The following GSN variants were observed in gnomAD, a reference collection of about 807,000 sequenced individuals.
The protein encoded by GSN is gelsolin.
In GSN, 56 loss-of-function variants were observed where a neutral mutation model predicts 85.7. The ratio of observed to expected loss-of-function variants is 0.65; its 90% CI spans 0.53 to 0.82. The LOEUF (loss-of-function observed/expected upper bound fraction) is 0.82. Ranked by LOEUF, GSN falls within the 40% of genes least tolerant of loss-of-function variation. The probability of loss-of-function intolerance (pLI) is 0.00; values close to 1 mark genes in which losing one functional copy is unlikely to be tolerated. For synonymous variants in GSN, 373 were observed against 399.1 expected, an observed-to-expected ratio of 0.93 and a Z score of 0.78; for missense variants, 857 against 979.8, an observed-to-expected ratio of 0.87 and a Z score of 1.67.
upstream of GSN, among the ~76,000 whole-genome samples, chr9:121,267,494 T>C (rs2055272121): frequency 6.6e-6 from 1 of 152,274 alleles, no homozygotes; most frequent in East Asian, 1.9e-4. Flanking sequence ...AGGATGCCCA[T>C]TTGACAAACG....
intron 4 of GSN, among the ~76,000 whole-genome samples, chr9:121,305,709 G>A (rs950624051): frequency 2.0e-5 from 3 of 152,184 alleles, no homozygotes; most frequent in African/African-American, 7.2e-5. Context: ...GCTCCAGCTG[G>A]GCCCAGATTT....
chr9:121,224,332 C>G (rs2054231498), intron 4 of GSN, among the ~76,000 whole-genome samples: 1 of 152,080 alleles, frequency 6.6e-6, no homozygotes, highest in Non-Finnish European at 1.5e-5. Context: ...ATCTCTTGAC[C>G]TTGTGATCTG....
rs147527479 is a variant in GSN, at chr9:121,329,026, G to T, written c.1887+11G>T. The T allele has an allele frequency of 6.6e-5, 106 of 1,613,290 alleles. No individual in the cohort carries two copies. In the African/African-American group the frequency reaches 1.2e-3, roughly 18 times the overall value. On this transcript the variant is annotated intron_variant, in intron 15 of 17. Transcript: ENST00000432226. The surrounding 1 kb of genome is among the most constrained non-coding windows in gnomAD (Gnocchi z 4.6). ...ATTGGACGTTTTGTGGTGAGCCCCT[G>T]CGGAGGTCACACCTCTGCTTTCCCC...
At chr9:121,249,745 T>C (rs1471127111) in intron 6 of GSN, among the ~76,000 whole-genome samples, 1 of 152,202 alleles carries the variant, frequency 6.6e-6, no homozygotes, top group Admixed American at 6.5e-5. Flanking sequence ...CCTGGGGACT[T>C]TCTGCCCTGG....
chr9:121,211,870 T>C (rs567870193), intron 4 of GSN, among the ~76,000 whole-genome samples: 1 of 152,294 alleles, frequency 6.6e-6, no homozygotes, highest in Non-Finnish European at 1.5e-5. Flanking sequence ...CTTTATGAAT[T>C]GGACTTCTGT....
chr9:121,277,296 G>T (rs2056800228), intron 1 of GSN, among the ~76,000 whole-genome samples: 1 of 152,166 alleles, frequency 6.6e-6, no homozygotes, highest in African/African-American at 2.4e-5. Context: ...GTTTCAGCTG[G>T]ACAAAAAAGA....
intron 4 of GSN, among the ~76,000 whole-genome samples, chr9:121,215,008 T>G (rs933440830): frequency 6.6e-6 from 1 of 152,176 alleles, no homozygotes; most frequent in Non-Finnish European, 1.5e-5. Flanking sequence ...AAAATCAAGG[T>G]GTCAGCACAG....
At position 121,318,303 on chromosome 9, in the gene GSN, A is replaced by G. The variant is rs2061957856; in HGVS notation, c.887-103A>G. ...TGGCTGTCCACAGTCTAAGAAGAGT[A>G]GGGAGGGAAGTTTGGCAGCTCCTTC... On this transcript the variant is annotated intron_variant, in intron 8 of 17. Coordinates refer to ENST00000432226, the MANE Select transcript of GSN (RefSeq NM_198252.3). This position sits in a 1 kb window ranked among gnomAD's most constrained non-coding sequence, Gnocchi z 4.3. 1.1e-6 allele frequency: 1 copy of G among 925,186 alleles called. No homozygotes were observed. Among genetic ancestry groups the G allele is most frequent in the Admixed American group, 1.7e-5 (1 of 58,776 alleles). 57.3% of individuals were successfully genotyped at this position (925,186 alleles called of 1,614,324 possible). A position where few individuals can be genotyped will look rare whatever the true frequency, so the allele number is the denominator to read the frequency against.
chr9:121,208,084 G>A (rs1384896192), intron 1 of GSN, among the ~76,000 whole-genome samples: 1 of 152,012 alleles, frequency 6.6e-6, no homozygotes, highest in Non-Finnish European at 1.5e-5. Context: ...ACTGTGCCTG[G>A]CCCAAATCAC....
chr9:121,319,232 G>A (rs182555495), intron 10 of GSN, among the ~76,000 whole-genome samples: 2 of 152,308 alleles, frequency 1.3e-5, no homozygotes, highest in East Asian at 3.9e-4. Context: ...GAACCTTTGG[G>A]TTGGGTCTCA....
Position 121,318,670 on chromosome 9 carries a change from G to A in GSN, c.981G>A (p.Ser327=), listed in dbSNP as rs145170518. 1.1e-5 allele frequency: 18 copies of A among 1,611,608 alleles called. No homozygotes were observed. The highest frequency in any genetic ancestry group is 1.6e-4 in the Middle Eastern group (1 of 6,084). The change falls in exon 10 of 18, where the codon TCG becomes TCA. Residue 327 remains serine (S), a synonymous_variant. Transcript: ENST00000432226. The surrounding 1 kb of genome is among the most constrained non-coding windows in gnomAD (Gnocchi z 4.3). Reference sequence around the variant, plus strand: ...CCTCTGCCTCCCCTCCCCAGGTCTCGGTCCTTCCTGAGGGCGGTGAGACCC... The same window carrying A: ...CCTCTGCCTCCCCTCCCCAGGTCTCAGTCCTTCCTGAGGGCGGTGAGACCC... The part of the protein sequence containing the change: ...KMDYPKQTQV[S]VLPEGGETPL...
chr9:121,307,444 G>C (rs1006417395), intron 4 of GSN, among the ~76,000 whole-genome samples: 3 of 152,094 alleles, frequency 2.0e-5, no homozygotes, highest in African/African-American at 7.2e-5. Context: ...CTCTCATTAT[G>C]TCCAGGTGAA....
At chr9:121,275,221 G>A (rs1412222152) in intron 1 of GSN, among the ~76,000 whole-genome samples, 2 of 152,228 alleles carry the variant, frequency 1.3e-5, no homozygotes, top group Non-Finnish European at 2.9e-5. Flanking sequence ...GGCCGAAGAA[G>A]TGGAGAGAAC....
In GSN at chr9:121,299,208, G is replaced by A; in HGVS notation, c.-9-2755G>A. Reference sequence around the variant, plus strand: ...AAAGAAGGAAAGAAAAGTAGGAGGGGCTATCCCAGGAGCTGAGCGTTCTGC... The same window carrying A: ...AAAGAAGGAAAGAAAAGTAGGAGGGACTATCCCAGGAGCTGAGCGTTCTGC... On this transcript the variant is annotated intron_variant, in intron 2 of 17. Coordinates refer to ENST00000432226, the MANE Select transcript of GSN (RefSeq NM_198252.3). This position sits in a 1 kb window ranked among gnomAD's most constrained non-coding sequence, Gnocchi z 4.2. 1 of 477,752 alleles carries A rather than the reference G, an allele frequency of 2.1e-6. No homozygotes were observed. Among genetic ancestry groups the A allele is most frequent in the Non-Finnish European group, 2.7e-6 (1 of 365,562 alleles). 29.6% of individuals were successfully genotyped at this position (477,752 alleles called of 1,614,324 possible).
upstream of GSN, among the ~76,000 whole-genome samples, chr9:121,264,812 A>C (rs931816737): frequency 6.6e-6 from 1 of 152,186 alleles, no homozygotes; most frequent in Non-Finnish European, 1.5e-5. Flanking sequence ...AGGTTTGTGC[A>C]GTAGGACCCT....
intron 5 of GSN, among the ~76,000 whole-genome samples, chr9:121,232,376 A>G (rs1291655166): frequency 6.6e-6 from 1 of 152,244 alleles, no homozygotes; most frequent in Non-Finnish European, 1.5e-5. Flanking sequence ...GTCTGTATAG[A>G]TTAAAGCCAG....
chr9:121,239,344 G>A (rs369296496), intron 5 of GSN: 124 of 441,672 alleles, frequency 2.8e-4, no homozygotes, highest in African/African-American at 2.1e-3. Context: ...TGGGTCATTA[G>A]CCAAGTTCAA....
intron 5 of GSN, among the ~76,000 whole-genome samples, chr9:121,237,035 G>T (rs1205084683): frequency 1.3e-5 from 2 of 152,152 alleles, no homozygotes; most frequent in African/African-American, 4.8e-5. Flanking sequence ...CTCTATTAAT[G>T]ATTTTAGTCA....
chr9:121,245,673 A>G (rs2054685287), intron 5 of GSN, among the ~76,000 whole-genome samples: 1 of 152,200 alleles, frequency 6.6e-6, no homozygotes, highest in African/African-American at 2.4e-5. Flanking sequence ...TTTTATCTTT[A>G]GAAAACAATA....
Sources: gnomAD v4.1 joint callset for allele counts (sites outside exome capture counted in the v4.1 genomes callset) on GRCh38, gnomAD v4.1.1 for gene constraint, Gnocchi (gnomAD v3.1) non-coding constraint, MANE v1.5 for transcripts, NCBI Gene and HGNC (gene_info 2026-07-23, HGNC 2026-07-21) for gene names.